The following NAP1L1 variants were observed in gnomAD, a reference collection of about 807,000 sequenced individuals.
The protein encoded by NAP1L1 is nucleosome assembly protein 1-like 1.
Under a neutral mutation model 58.9 loss-of-function variants are expected in NAP1L1, and 9 were observed. That is an observed-to-expected ratio of 0.15 (90% CI 0.09 to 0.27). The LOEUF (loss-of-function observed/expected upper bound fraction) is 0.27. Ranked by LOEUF, NAP1L1 falls within the 10% of genes least tolerant of loss-of-function variation. The probability of loss-of-function intolerance (pLI) is 1.00; values close to 1 mark genes in which losing one functional copy is unlikely to be tolerated. For synonymous variants in NAP1L1, 130 were observed against 138.3 expected (o/e 0.94, Z 0.42); for missense variants, 302 against 458.8 (o/e 0.66, Z 3.12).
chr12:76,073,955 G>A, intron 2 of NAP1L1: 1 of 384,468 alleles, frequency 2.6e-6, no homozygotes. Context: ...ATCATGCTCA[G>A]CATTTTCTTA....
rs578096305 is a variant in NAP1L1 at position 76,044,555 on chromosome 12, T to A, written c.*3874A>T. The A allele has an allele frequency of 1.3e-5, 2 of 152,298 alleles. No individual in the cohort carries two copies. Among genetic ancestry groups the A allele is most frequent in the African/African-American group, 2.4e-5 (1 of 41,566 alleles). 9.4% of individuals were successfully genotyped at this position (152,298 alleles called of 1,614,324 possible). On this transcript the variant is annotated 3_prime_UTR_variant, in exon 15 of 15. Coordinates refer to ENST00000618691, the MANE Select transcript of NAP1L1 (RefSeq NM_004537.7). ...TGAGGATGACATGGTCGGGCCTCAA[T>A]AAGCCCACTGTAAGTCAAAAATATC...
rs958991069 is a variant in NAP1L1 at position 76,049,120 on chromosome 12, G to A, written c.1140+80C>T. 3.6e-6 allele frequency: 5 copies of A among 1,391,818 alleles called. No individual in the cohort carries two copies. The African/African-American group carries it at 4.3e-5, about 12-fold the overall frequency. 86.2% of individuals were successfully genotyped at this position (1,391,818 alleles called of 1,614,324 possible). ...TTTATTTATTAAAGACTTTAACGGA[G>A]AGAAACTTGATATTCAAAAACACCA... On this transcript the variant is annotated intron_variant, in intron 14 of 14. Coordinates refer to ENST00000618691, the MANE Select transcript of NAP1L1 (RefSeq NM_004537.7).
chr12:76,051,215 A>G (rs569174529), intron 11 of NAP1L1, among the ~76,000 whole-genome samples: 4 of 152,280 alleles, frequency 2.6e-5, no homozygotes, highest in Non-Finnish European at 5.9e-5. Flanking sequence ...AATTGTGAAG[A>G]ATAAAAATTA....
At chr12:76,052,199 G>C (rs1302798134) in intron 11 of NAP1L1, among the ~76,000 whole-genome samples, 1 of 151,900 alleles carries the variant, frequency 6.6e-6, no homozygotes, top group Non-Finnish European at 1.5e-5. Context: ...ACCACAGGTG[G>C]AGGTTTTCTA....
chr12:76,070,580 G>A (rs1949909796), intron 2 of NAP1L1, among the ~76,000 whole-genome samples: 1 of 152,120 alleles, frequency 6.6e-6, no homozygotes, highest in Non-Finnish European at 1.5e-5. Context: ...TGCCCATGTG[G>A]CCAAATCCAG....
chr12:76,067,924 T>A (rs1249162355), intron 3 of NAP1L1, among the ~76,000 whole-genome samples: 1 of 152,236 alleles, frequency 6.6e-6, no homozygotes. Context: ...TGTTTGATGC[T>A]TGTGTAATGT....
chr12:76,065,724 T>G (rs1044938072), intron 4 of NAP1L1, among the ~76,000 whole-genome samples: 1 of 152,004 alleles, frequency 6.6e-6, no homozygotes, highest in Non-Finnish European at 1.5e-5. Flanking sequence ...TGAGACAATA[T>G]TAAAAGATAT....
In NAP1L1 at chr12:76,062,720, T is replaced by C. The variant is rs1256886109; in HGVS notation, c.207-2441A>G. Among the ~76,000 whole-genome samples the C allele has an allele frequency of 3.3e-5, 5 of 152,184 alleles. No homozygotes were observed. The South Asian group carries it at 6.2e-4, about 19-fold the overall frequency. On this transcript the variant is annotated intron_variant, in intron 4 of 14. Transcript: ENST00000618691. ...GGCAGCATGAAAGACAGATGGAAAA[T>C]AGAAAAGCTCTGAGATATGGACGAC... is the stretch of plus-strand genomic sequence containing the variant.
At chr12:76,059,372 A>G (rs767927720) in intron 6 of NAP1L1, among the ~76,000 whole-genome samples, 4 of 152,256 alleles carry the variant, frequency 2.6e-5, no homozygotes, top group Non-Finnish European at 5.9e-5. Context: ...TATAAATTAC[A>G]TGAGTAAAAT....
chr12:76,057,442 C>A, intron 6 of NAP1L1: 1 of 590,342 alleles, frequency 1.7e-6, no homozygotes, highest in South Asian at 1.8e-5. Context: ...TCTAGGGAGG[C>A]CCTGGCCGGG....
intron 7 of NAP1L1, 87 bp from the exon 8 acceptor site, chr12:76,055,177 A>G: frequency 1.2e-6 from 1 of 861,176 alleles, no homozygotes; most frequent in Non-Finnish European, 1.8e-6. Flanking sequence ...TGACTGAGAC[A>G]TAATATATTT....
chr12:76,083,873 T>C (rs1565757063), intron 1 of NAP1L1: 1 of 152,226 alleles, frequency 6.6e-6, no homozygotes, highest in South Asian at 2.1e-4. Flanking sequence ...ACTTTCAAAG[T>C]AAGCACAGAC....
At chr12:76,063,403 GAAGA>G (rs1421522440) in intron 4 of NAP1L1, among the ~76,000 whole-genome samples, 4 of 152,130 alleles carry the variant, frequency 2.6e-5, no homozygotes, top group South Asian at 2.1e-4. Flanking sequence ...AGAAAAGAAG[GAAGA>G]AAGACCCAAA....
chr12:76,071,129 T>C (rs1046314638), intron 2 of NAP1L1, among the ~76,000 whole-genome samples: 3 of 152,210 alleles, frequency 2.0e-5, no homozygotes, highest in Admixed American at 1.3e-4. Context: ...AATTCATAGA[T>C]GCAAACTCAT....
rs1014355682 is a variant in NAP1L1 at position 76,043,030 on chromosome 12, T to C, written c.*5399A>G. On this transcript the variant is annotated 3_prime_UTR_variant, in exon 15 of 15. Coordinates refer to ENST00000618691, the MANE Select transcript of NAP1L1 (RefSeq NM_004537.7). ...GATAAAACTTTATTCAGCAATTTTT[T>C]TAAATAAAGCTTTTGTTCTTGGCTA... The C allele has an allele frequency of 6.6e-6, 1 of 152,216 alleles. No individual in the cohort carries two copies. Among genetic ancestry groups the C allele is most frequent in the Non-Finnish European group, 1.5e-5 (1 of 68,036 alleles). 9.4% of individuals were successfully genotyped at this position (152,216 alleles called of 1,614,324 possible).
Position 76,047,943 on chromosome 12 carries a change from A to C in NAP1L1, c.*486T>G, listed in dbSNP as rs1020184548. ...TCATACTGGAAATTCTTAACCATAT[A>C]GTTGTCTTGCCAATTTTTTTTTTAA... On this transcript the variant is annotated 3_prime_UTR_variant, in exon 15 of 15. Transcript: ENST00000618691. 6.5e-6 allele frequency: 1 copy of C among 154,848 alleles called. No homozygotes were observed. The highest frequency in any genetic ancestry group is 2.4e-5 in the African/African-American group (1 of 41,458). 9.6% of individuals were successfully genotyped at this position (154,848 alleles called of 1,614,324 possible).
At position 76,048,729 on chromosome 12, in the gene NAP1L1, TG is replaced by T. The variant is rs201382165; in HGVS notation, c.1141-266del. 5.1e-4 allele frequency among the ~76,000 whole-genome samples: 77 copies of T among 152,236 alleles called. No homozygotes were observed. In the East Asian group the frequency reaches 0.013, roughly 26 times the overall value. On this transcript the variant is annotated intron_variant, in intron 14 of 14. Coordinates refer to ENST00000618691, the MANE Select transcript of NAP1L1 (RefSeq NM_004537.7). ...AAAAATAAAGTTACCAAGCAATTTA[TG>T]TTAGTTATATTACCAATCAGCTTTG...
At chr12:76,052,973 A>G (rs1182378730) in intron 11 of NAP1L1, 118 bp downstream of exon 11, 2 of 862,388 alleles carry the variant, frequency 2.3e-6, no homozygotes, top group Non-Finnish European at 3.6e-6. Flanking sequence ...AGTCTGCCCC[A>G]TGCATTGTAG....
chr12:76,074,233 C>A lies in NAP1L1; in HGVS notation c.-14G>T. 1 of 1,588,648 alleles carries A rather than the reference C, an allele frequency of 6.3e-7. No homozygotes were observed. The highest frequency in any genetic ancestry group is 8.5e-7 in the Non-Finnish European group (1 of 1,170,056). On this transcript the variant is annotated 5_prime_UTR_variant, in exon 2 of 15. Coordinates refer to ENST00000618691, the MANE Select transcript of NAP1L1 (RefSeq NM_004537.7). ...AATGTCTGCCATGTTGTAAGAACTC[C>A]AAATATCTATGGAGAGAAACATCAA... is the stretch of plus-strand genomic sequence containing the variant.
Sources: allele counts gnomAD v4.1 joint callset (sites outside exome capture counted in the v4.1 genomes callset), GRCh38; gene constraint gnomAD v4.1.1; transcripts MANE v1.5; gene names NCBI Gene and HGNC (gene_info 2026-07-23, HGNC 2026-07-21).